The following POGLUT2 variants were observed in gnomAD, a reference collection of about 807,000 sequenced individuals.
The protein encoded by POGLUT2 is ER protein 58.
POGLUT2 carries 47 observed loss-of-function variants against 57.6 expected under a neutral mutation model. The observed-to-expected ratio is 0.82, with a 90% CI of 0.65 to 1.04. The LOEUF (loss-of-function observed/expected upper bound fraction) is 1.04. POGLUT2 is among the 50% of genes least tolerant of loss of function. The pLI is 0.00. For missense variants in POGLUT2, 565 were observed against 614.8 expected, an observed-to-expected ratio of 0.92 and a Z score of 0.86; for synonymous variants, 200 against 218.8, an observed-to-expected ratio of 0.91 and a Z score of 0.76.
intron 5 of POGLUT2, 57 bp downstream of exon 5, chr13:102,791,201 A>G (rs1878156620): frequency 1.9e-6 from 3 of 1,604,084 alleles, no homozygotes; most frequent in Non-Finnish European, 2.6e-6. Context: ...TTGTTGCAAA[A>G]GAACTCACCA....
At position 102,793,411 on chromosome 13, in the gene POGLUT2, A is replaced by C. The variant is rs781215058; in HGVS notation, c.602T>G (p.Ile201Ser). The change falls in exon 4 of 10, where the codon ATC becomes AGC. Residue 201 changes from isoleucine (I) to serine (S), a missense_variant. Ile to Ser is a moderately radical substitution (Grantham distance 142). Transcript: ENST00000376004. ...ACCTACATGTTCACCATGAGTCTTG[A>C]TATAAACCTAAAAGAGAATTTACCA... ...HYTLKDNKVYIKTHGEHVGFR... is the reference protein window; with the variant it reads ...HYTLKDNKVYSKTHGEHVGFR... 2 of 1,584,220 alleles carry C rather than the reference A, an allele frequency of 1.3e-6. No individual in the cohort carries two copies. The highest frequency in any genetic ancestry group is 4.5e-5 in the East Asian group (2 of 44,762).
intron 2 of POGLUT2, 117 bp downstream of exon 2, chr13:102,796,683 TAAAA>T (rs199885678): frequency 0.2 from 35,183 of 174,124 alleles, 3,551 homozygotes; most frequent in South Asian, 0.26. Flanking sequence ...CTTCTTTCAG[TAAAA>T]AAAAAAAAAA....
At chr13:102,798,416 A>G in intron 1 of POGLUT2, 73 bp downstream of exon 1, 1 of 1,408,172 alleles carries the variant, frequency 7.1e-7, no homozygotes. Context: ...GAGTTCTTGG[A>G]AAGAAAAATC....
At chr13:102,795,652 A>G (rs754426062) in intron 2 of POGLUT2, among the ~76,000 whole-genome samples, 2 of 152,346 alleles carry the variant, frequency 1.3e-5, no homozygotes, top group East Asian at 3.9e-4. Context: ...GTCTGCACTG[A>G]GGTTTTTACT....
chr13:102,787,644 T>G (rs1878001294), intron 8 of POGLUT2, among the ~76,000 whole-genome samples, 190 bp downstream of exon 8: 1 of 152,366 alleles, frequency 6.6e-6, no homozygotes, highest in Non-Finnish European at 1.5e-5. Flanking sequence ...TTGTAACATT[T>G]TCCATTAGCT....
chr13:102,787,962 C>T, intron 7 of POGLUT2, 39 bp from the exon 8 acceptor site: 2 of 1,326,032 alleles, frequency 1.5e-6, no homozygotes, highest in Middle Eastern at 1.9e-4. Context: ...TAATAGAATC[C>T]ATTTTTCCCA....
intron 2 of POGLUT2, among the ~76,000 whole-genome samples, chr13:102,796,293 C>CAAAAAAAAAAAAAAAAA (rs151064207): frequency 6.9e-5 from 7 of 100,730 alleles, no homozygotes; most frequent in African/African-American, 2.2e-4. Flanking sequence ...GACTCTGCCT[C>CAAAAAAAAAAAAAAAAA]AAAAAAAAAA....
intron 1 of POGLUT2, among the ~76,000 whole-genome samples, chr13:102,798,054 T>C (rs1015762159): frequency 6.6e-6 from 1 of 152,218 alleles, no homozygotes; most frequent in African/African-American, 2.4e-5. Flanking sequence ...AAGTTTCAAA[T>C]AGTACTTCAT....
chr13:102,789,875 G>T (rs1240388121), intron 6 of POGLUT2, among the ~76,000 whole-genome samples: 8 of 152,236 alleles, frequency 5.3e-5, no homozygotes, highest in Non-Finnish European at 1.0e-4. Context: ...TAGGATTACA[G>T]GCGTGAGCCA....
rs1175426227 is a variant in POGLUT2 at position 102,798,500 on chromosome 13, T to C, written c.171A>G (p.Thr57=). Residue 57 remains threonine, a synonymous_variant, in exon 1 of 10, where the codon ACA becomes ACG. Transcript: ENST00000376004. ...ARYFYIQAVD[T]SGNKFTSSPG... is the part of the protein sequence containing the mutation. Reference sequence around the variant, plus strand: ...GTTTCTCGACTTACTTATTCCCTGATGTATCCACTGCCTGAATATAGAAAT... The same window carrying C: ...GTTTCTCGACTTACTTATTCCCTGACGTATCCACTGCCTGAATATAGAAAT... 6.2e-6 allele frequency: 10 copies of C among 1,604,662 alleles called. No homozygotes were observed. Among genetic ancestry groups the C allele is most frequent in the Non-Finnish European group, 8.5e-6 (10 of 1,175,482 alleles).
intron 4 of POGLUT2, among the ~76,000 whole-genome samples, chr13:102,791,719 A>T (rs776419386): frequency 1.3e-5 from 2 of 152,186 alleles, no homozygotes; most frequent in African/African-American, 2.4e-5. Context: ...AAAATAATTT[A>T]AAAAATAGCA....
At position 102,797,103 on chromosome 13, in the gene POGLUT2, T is replaced by G. The variant is rs754690995; in HGVS notation, c.183-94A>C. The G allele has an allele frequency of 1.1e-4, 86 of 756,152 alleles. No individual in the cohort carries two copies. In the Middle Eastern group the frequency reaches 1.2e-3, roughly 10 times the overall value. The allele number at this position is 756,152 out of a possible 1,614,324, so 46.8% of individuals were successfully genotyped here. ...CAGTCTGGAAACTTGATTATTCTCC[T>G]CCACATTCTTCCTCTAACATATGAT... On this transcript the variant is annotated intron_variant, in intron 1 of 9. Transcript: ENST00000376004.
At chr13:102,795,471 GAGGATTGC>G (rs1878342466) in intron 2 of POGLUT2, among the ~76,000 whole-genome samples, 1 of 151,980 alleles carries the variant, frequency 6.6e-6, no homozygotes, top group Middle Eastern at 3.2e-3. Context: ...GCTGAGGTGG[GAGGATTGC>G]TTGAACCCAG....
chr13:102,793,866 G>C, intron 2 of POGLUT2, 60 bp from the exon 3 acceptor site: 3 of 1,401,514 alleles, frequency 2.1e-6, no homozygotes, highest in Non-Finnish European at 3.0e-6. Flanking sequence ...TTCGAAACTT[G>C]TAATAAACAT....
intron 6 of POGLUT2, 94 bp from the exon 7 acceptor site, chr13:102,789,315 C>G: frequency 9.4e-7 from 1 of 1,061,576 alleles, no homozygotes; most frequent in South Asian, 1.4e-5. Context: ...CTTTGCAATC[C>G]TCAGACACAA....
rs141359230 is a variant in POGLUT2 at position 102,788,717 on chromosome 13, C to G, written c.1293+295G>C. 4.6e-3 allele frequency among the ~76,000 whole-genome samples: 702 copies of G among 152,264 alleles called. 6 individuals carry two copies. The highest frequency in any genetic ancestry group is 0.016 in the African/African-American group (658 of 41,548). ...GCCAGGCTGGTCTTGAACTCCTGAC[C>G]TCAGGTGATCTGCCTGCCTCAGCCT... On this transcript the variant is annotated intron_variant, in intron 7 of 9. Transcript: ENST00000376004.
intron 6 of POGLUT2, among the ~76,000 whole-genome samples, 179 bp from the exon 7 acceptor site, chr13:102,789,400 G>C (rs1294880296): frequency 6.6e-6 from 1 of 152,164 alleles, no homozygotes; most frequent in Non-Finnish European, 1.5e-5. Context: ...AGAGCTAAAT[G>C]CTCATTTTGA....
At chr13:102,792,616 TAAG>T (rs1878222970) in intron 4 of POGLUT2, among the ~76,000 whole-genome samples, 1 of 152,062 alleles carries the variant, frequency 6.6e-6, no homozygotes, top group Non-Finnish European at 1.5e-5. Context: ...TGTGTCCTTA[TAAG>T]AAGAGACCCA....
intron 2 of POGLUT2, 32 bp downstream of exon 2, chr13:102,796,772 T>C (rs772439308): frequency 1.8e-6 from 2 of 1,110,862 alleles, no homozygotes; most frequent in East Asian, 5.0e-5. Context: ...TTTATTCAAA[T>C]ACTGCTGTTA....
Sources: gnomAD v4.1 joint callset for allele counts (sites outside exome capture counted in the v4.1 genomes callset) on GRCh38, gnomAD v4.1.1 for gene constraint, MANE v1.5 for transcripts, NCBI Gene and HGNC (gene_info 2026-07-23, HGNC 2026-07-21) for gene names.